EFHC2: variants seen among roughly 807,000 people sequenced by gnomAD.
EFHC2 encodes EF-hand domain containing 2, also known as EF-hand domain-containing family member C2.
EFHC2 carries 18 observed loss-of-function variants against 52.7 expected under a neutral mutation model. That is an observed-to-expected ratio of 0.34 (90% CI 0.24 to 0.51). The LOEUF (loss-of-function observed/expected upper bound fraction) is 0.51. Ranked by LOEUF, EFHC2 falls within the 20% of genes least tolerant of loss-of-function variation. The pLI is 0.97. For synonymous variants in EFHC2, 203 were observed against 204.1 expected, an observed-to-expected ratio of 0.99 and a Z score of 0.04; for missense variants, 513 against 562.5, an observed-to-expected ratio of 0.91 and a Z score of 0.89.
At chrX:44,159,451 C>T (rs1300039542) in intron 14 of EFHC2, among the ~76,000 whole-genome samples, 1 of 112,367 alleles carries the variant, frequency 8.9e-6, no homozygotes, top group Non-Finnish European at 1.9e-5. Context: ...TCACTGGTAA[C>T]ATTCCCAAGG....
intron 14 of EFHC2, among the ~76,000 whole-genome samples, chrX:44,157,071 T>C (rs1179006987): frequency 8.9e-6 from 1 of 112,606 alleles, no homozygotes; most frequent in Non-Finnish European, 1.9e-5. Flanking sequence ...TGATGGATGA[T>C]GGCTTACATC....
At chrX:44,340,496 T>TA (rs1263606304) in intron 1 of EFHC2, among the ~76,000 whole-genome samples, 100 of 101,445 alleles carry the variant, frequency 9.9e-4, no homozygotes, top group African/African-American at 2.4e-3. Flanking sequence ...TACTAAAAAT[T>TA]AAAAAAAAAA....
intron 11 of EFHC2, among the ~76,000 whole-genome samples, chrX:44,184,828 C>T (rs745848361): frequency 3.8e-4 from 42 of 109,931 alleles, no homozygotes; most frequent in Non-Finnish European, 7.0e-4. Context: ...CACACTCTAA[C>T]GGTATATAAT....
Position 44,272,547 on chromosome X carries a change from G to A in EFHC2, c.382+139C>T, listed in dbSNP as rs764469505. On this transcript the variant is annotated intron_variant, in intron 3 of 14. Coordinates refer to ENST00000420999, the MANE Select transcript of EFHC2 (RefSeq NM_025184.4). Reference sequence around the variant, plus strand: ...TCACAATCAATAACTACACGCTAATGGCATGTTTATATTCACCACTGCCAG... The same window carrying A: ...TCACAATCAATAACTACACGCTAATAGCATGTTTATATTCACCACTGCCAG... 143 of 572,597 alleles carry A rather than the reference G, an allele frequency of 2.5e-4. No homozygotes were observed. The African/African-American group carries it at 2.8e-3, about 11-fold the overall frequency. 47.2% of individuals were successfully genotyped at this position (572,597 alleles called of 1,213,427 possible).
chrX:44,330,520 C>A (rs2038080533), intron 1 of EFHC2, among the ~76,000 whole-genome samples: 1 of 110,428 alleles, frequency 9.1e-6, no homozygotes, highest in South Asian at 3.8e-4. Context: ...GTAAAAAAAA[C>A]AAGGCTGGGC....
At chrX:44,318,268 G>C (rs1363344402) in intron 1 of EFHC2, among the ~76,000 whole-genome samples, 4 of 111,870 alleles carry the variant, frequency 3.6e-5, no homozygotes, top group Non-Finnish European at 7.5e-5. Flanking sequence ...AGAGAAAAAA[G>C]CCAGATACAA....
chrX:44,229,704 C>T lies in EFHC2; in HGVS notation c.1696G>A (p.Val566Ile), dbSNP rs193177986. 1,185 of 1,207,912 alleles carry T rather than the reference C, an allele frequency of 9.8e-4. 4 individuals are homozygous for T. The highest frequency in any genetic ancestry group is 5.6e-3 in the South Asian group (317 of 56,626). The change falls in exon 11 of 15, where the codon GTA (valine) becomes ATA (isoleucine). Residue 566 changes from valine (V) to isoleucine (I), a missense_variant. Val to Ile is a conservative substitution (Grantham distance 29, BLOSUM62 3). Coordinates refer to ENST00000420999, the MANE Select transcript of EFHC2 (RefSeq NM_025184.4). ...EEGKSRELKQ[V>I]FKAADSKHTN... ...TGCTTAGAGTCAGCAGCTTTAAATA[C>T]CTGCTTGAGCTCTCTGGATTTTCCT...
In EFHC2 at chrX:44,197,669, T is replaced by C. The variant is rs371482162; in HGVS notation, c.1752-19105A>G. Among the ~76,000 whole-genome samples, 3 of 112,112 alleles carry C rather than the reference T, an allele frequency of 2.7e-5. No individual in the cohort carries two copies. In the South Asian group the frequency reaches 1.1e-3, roughly 42 times the overall value. On this transcript the variant is annotated intron_variant, in intron 11 of 14. Transcript: ENST00000420999. ...CCCAATACAGAGCACATGCACAATA[T>C]ATGTTTATTGAATGAAGAAAGAATA...
chrX:44,341,497 G>A (rs2038151490), intron 1 of EFHC2, among the ~76,000 whole-genome samples: 1 of 112,323 alleles, frequency 8.9e-6, no homozygotes, highest in African/African-American at 3.2e-5. Context: ...TGCCCAGGCT[G>A]GAGTGCAGTA....
chrX:44,264,333 C>T (rs62590829), intron 3 of EFHC2, among the ~76,000 whole-genome samples: 1,780 of 111,812 alleles, frequency 0.016, 25 homozygotes, highest in Non-Finnish European at 0.027. Flanking sequence ...GCTGCTCTTC[C>T]GAAAGAACAG....
intron 13 of EFHC2, among the ~76,000 whole-genome samples, chrX:44,175,546 T>A (rs1223332998): frequency 8.9e-6 from 1 of 111,947 alleles, no homozygotes; most frequent in Non-Finnish European, 1.9e-5. Context: ...AAATACCTCA[T>A]CTCTCTAAAC....
In EFHC2 at chrX:44,248,936, C is replaced by A; in HGVS notation, c.859-20G>T. ...GCAATTCTGGAAGACAAAATCAAAA[C>A]AAGATGTGGTAGGATTTAATCCATT... On this transcript the variant is annotated intron_variant, in intron 5 of 14. Transcript: ENST00000420999. 1 of 1,117,420 alleles carries A rather than the reference C, an allele frequency of 8.9e-7. No individual in the cohort carries two copies. Among genetic ancestry groups the A allele is most frequent in the South Asian group, 2.0e-5 (1 of 49,746 alleles). 92.1% of individuals were successfully genotyped at this position (1,117,420 alleles called of 1,213,427 possible).
chrX:44,163,883 G>T lies in EFHC2; in HGVS notation c.2148+39C>A, dbSNP rs2036676004. ...AAAGGATATTAAACATGCAAGGGAA[G>T]TAACCATAGATGGTTTTTAAAATAG... On this transcript the variant is annotated intron_variant, in intron 14 of 14. Transcript: ENST00000420999. 4 of 902,596 alleles carry T rather than the reference G, an allele frequency of 4.4e-6. No homozygotes were observed. The Middle Eastern group carries it at 1.0e-3, about 227-fold the overall frequency. 74.4% of individuals were successfully genotyped at this position (902,596 alleles called of 1,213,427 possible).
chrX:44,243,700 A>C (rs2037378014), intron 7 of EFHC2, among the ~76,000 whole-genome samples: 1 of 112,198 alleles, frequency 8.9e-6, no homozygotes, highest in East Asian at 2.8e-4. Context: ...TACAGCAGAC[A>C]TGTTTATAAA....
intron 2 of EFHC2, among the ~76,000 whole-genome samples, chrX:44,282,475 G>T (rs1005732565): frequency 6.2e-4 from 62 of 99,916 alleles, no homozygotes; most frequent in African/African-American, 2.0e-3. Flanking sequence ...ATTTAGCCTG[G>T]CATGGTGGCA....
chrX:44,253,500 C>G (rs766869308), intron 4 of EFHC2, among the ~76,000 whole-genome samples: 6 of 111,820 alleles, frequency 5.4e-5, no homozygotes, highest in African/African-American at 1.9e-4. Context: ...GTAAACAAAG[C>G]TGCCAGGAAG....
chrX:44,331,213 G>A (rs1208863832), intron 1 of EFHC2, among the ~76,000 whole-genome samples: 2 of 112,145 alleles, frequency 1.8e-5, no homozygotes, highest in African/African-American at 6.5e-5. Flanking sequence ...ATGAACAGTT[G>A]ATATACGCAA....
chrX:44,217,508 T>A (rs187980115), intron 11 of EFHC2, among the ~76,000 whole-genome samples: 44 of 111,644 alleles, frequency 3.9e-4, no homozygotes, highest in African/African-American at 1.4e-3. Flanking sequence ...AAGGAAAACG[T>A]GGTACTCATA....
chrX:44,178,088 G>A (rs1274981490), intron 12 of EFHC2, among the ~76,000 whole-genome samples: 1 of 106,064 alleles, frequency 9.4e-6, no homozygotes, highest in African/African-American at 3.5e-5. Flanking sequence ...CCGAGGTTGC[G>A]CCACTGCACT....
Sources: gnomAD v4.1 joint callset for allele counts (sites outside exome capture counted in the v4.1 genomes callset) on GRCh38, gnomAD v4.1.1 for gene constraint, MANE v1.5 for transcripts, NCBI Gene and HGNC (gene_info 2026-07-23, HGNC 2026-07-21) for gene names.